Variants in NRP1 observed in about 807,000 individuals in gnomAD.
NRP1 encodes neuropilin 1.
Under a neutral mutation model 106.7 loss-of-function variants are expected in NRP1, and 35 were observed. That is an observed-to-expected ratio of 0.33 (90% confidence interval 0.25 to 0.43). The LOEUF (loss-of-function observed/expected upper bound fraction) is 0.43. Among genes scored for constraint, NRP1 ranks in the 20% least tolerant of loss-of-function variants. The pLI is 1.00. For synonymous variants in NRP1, 437 were observed against 417.9 expected (o/e 1.05, Z -0.56); for missense variants, 1,024 against 1,170.4 (o/e 0.87, Z 1.83).
At chr10:33,234,338 G>A (rs1840394110) in intron 6 of NRP1, among the ~76,000 whole-genome samples, 1 of 152,070 alleles carries the variant, frequency 6.6e-6, no homozygotes, top group Non-Finnish European at 1.5e-5. Flanking sequence ...GAAGACTGGT[G>A]GCCCGTGTAT....
rs1353991937 is a variant in NRP1 at position 33,192,294 on chromosome 10, A to G, written c.2049T>C (p.Ile683=). 2.5e-6 allele frequency: 4 copies of G among 1,613,528 alleles called. No homozygotes were observed. Among genetic ancestry groups the G allele is most frequent in the African/African-American group, 2.7e-5 (2 of 74,864 alleles). The change falls in exon 13 of 17, where the codon ATT becomes ATC. Residue 683 remains isoleucine, a synonymous_variant. Coordinates refer to ENST00000374867, the MANE Select transcript of NRP1 (RefSeq NM_003873.7). The stretch of plus-strand genomic sequence containing the variant: ...ACTCTGTGATACCTGTGTGATCCTG[A>G]ATGGGTCCCGTCTTGCTGGTCAACA... ...WSVLTSKTGP[I]QDHTGDGNFI...
chr10:33,202,718 A>G (rs771917374), intron 11 of NRP1, 173 bp downstream of exon 11: 2 of 1,553,336 alleles, frequency 1.3e-6, no homozygotes, highest in Admixed American at 2.0e-5. Context: ...AGAACAACTC[A>G]TCTATCCAGA....
chr10:33,266,929 G>A (rs1478738193), intron 3 of NRP1, among the ~76,000 whole-genome samples: 8 of 152,184 alleles, frequency 5.3e-5, no homozygotes, highest in Non-Finnish European at 1.2e-4. Flanking sequence ...CTACTTGGGA[G>A]GCTGAGGCAG....
At chr10:33,275,960 A>G (rs34476541) in intron 2 of NRP1, among the ~76,000 whole-genome samples, 16,850 of 152,186 alleles carry the variant, frequency 0.11, 1,150 homozygotes, top group East Asian at 0.14. Flanking sequence ...AGTTTCTTAA[A>G]TAACAGGAAA....
intron 2 of NRP1, among the ~76,000 whole-genome samples, chr10:33,315,622 T>C (rs1018474334): frequency 4.6e-5 from 7 of 152,154 alleles, no homozygotes; most frequent in Non-Finnish European, 8.8e-5. Context: ...CTTGGGAGAA[T>C]AGTGGAATAA....
chr10:33,202,576 G>A (rs906143913), intron 11 of NRP1: 2 of 1,419,408 alleles, frequency 1.4e-6, no homozygotes. Flanking sequence ...TTGGGGGGGG[G>A]TCTGAAAATA....
chr10:33,299,628 AT>A (rs1264496662), intron 2 of NRP1, among the ~76,000 whole-genome samples: 1 of 152,114 alleles, frequency 6.6e-6, no homozygotes, highest in Non-Finnish European at 1.5e-5. Flanking sequence ...AACAAATAAA[AT>A]TTAAAAATCG....
chr10:33,305,102 A>G (rs1374106308), intron 2 of NRP1, among the ~76,000 whole-genome samples: 2 of 152,242 alleles, frequency 1.3e-5, no homozygotes, highest in Non-Finnish European at 2.9e-5. Context: ...ATGTGAATCA[A>G]TGATTTAGTG....
intron 11 of NRP1, chr10:33,201,606 G>A (rs1252004460): frequency 1.3e-5 from 2 of 152,162 alleles, no homozygotes; most frequent in East Asian, 3.9e-4. Context: ...CACAGAAAAT[G>A]TCTCTGCATT....
At chr10:33,320,394 GA>G (rs1847415655) in intron 2 of NRP1, among the ~76,000 whole-genome samples, 1 of 151,902 alleles carries the variant, frequency 6.6e-6, no homozygotes, top group Non-Finnish European at 1.5e-5. Context: ...CTGGGAACCA[GA>G]GGCCCCAAAA....
chr10:33,298,199 A>G (rs1845549236), intron 2 of NRP1, among the ~76,000 whole-genome samples: 2 of 152,196 alleles, frequency 1.3e-5, no homozygotes, highest in African/African-American at 2.4e-5. Flanking sequence ...AAGTGACATT[A>G]AACTTATTTC....
chr10:33,320,921 A>G (rs1005669635), intron 2 of NRP1, among the ~76,000 whole-genome samples: 2 of 150,716 alleles, frequency 1.3e-5, no homozygotes, highest in African/African-American at 5.0e-5. Flanking sequence ...AGACTGTCAC[A>G]TTAACTGGAA....
intron 5 of NRP1, among the ~76,000 whole-genome samples, chr10:33,255,794 G>C (rs1213541262): frequency 6.6e-6 from 1 of 152,188 alleles, no homozygotes; most frequent in African/African-American, 2.4e-5. Flanking sequence ...GCCTTTAAAA[G>C]AGCTAGAGAC....
chr10:33,237,358 G>A (rs1170784999), intron 6 of NRP1, among the ~76,000 whole-genome samples: 1 of 151,926 alleles, frequency 6.6e-6, no homozygotes, highest in Non-Finnish European at 1.5e-5. Flanking sequence ...TCTAGAAAGG[G>A]CTTGATGGAA....
chr10:33,248,528 C>G (rs988562160), intron 6 of NRP1, among the ~76,000 whole-genome samples: 3 of 142,026 alleles, frequency 2.1e-5, no homozygotes, highest in Admixed American at 2.1e-4. Context: ...CCCTACCACA[C>G]TAAGGGCTTT....
intron 5 of NRP1, 68 bp downstream of exon 5, chr10:33,256,248 G>A (rs996142694): frequency 2.5e-5 from 37 of 1,485,320 alleles, no homozygotes; most frequent in Middle Eastern, 1.7e-4. Context: ...TCATGTGGCC[G>A]CAGGTGTGTG....
intron 3 of NRP1, among the ~76,000 whole-genome samples, chr10:33,269,578 G>A (rs1843153308): frequency 6.6e-6 from 1 of 152,204 alleles, no homozygotes; most frequent in Non-Finnish European, 1.5e-5. Flanking sequence ...CCTTATAACT[G>A]AGGTCCCCAA....
At chr10:33,243,933 TTGTGTGTG>T (rs112554908) in intron 6 of NRP1, among the ~76,000 whole-genome samples, 25 of 141,440 alleles carry the variant, frequency 1.8e-4, no homozygotes, top group East Asian at 1.5e-3. Flanking sequence ...GGGTAGAGGT[TTGTGTGTG>T]TGTGTGTGTG....
intron 11 of NRP1, chr10:33,202,651 C>G: frequency 6.5e-7 from 1 of 1,539,838 alleles, no homozygotes; most frequent in Non-Finnish European, 8.8e-7. Flanking sequence ...TAAGATAATC[C>G]TAGCCTTTGG....
Sources: gnomAD v4.1 joint callset for allele counts (sites outside exome capture counted in the v4.1 genomes callset) on GRCh38, gnomAD v4.1.1 for gene constraint, MANE v1.5 for transcripts, NCBI Gene and HGNC (gene_info 2026-07-23, HGNC 2026-07-21) for gene names.